TRIO: variants seen among roughly 807,000 people sequenced by gnomAD.
TRIO encodes trio Rho guanine nucleotide exchange factor.
Under a neutral mutation model 351.9 loss-of-function variants are expected in TRIO, and 58 were observed. The ratio of observed to expected loss-of-function variants is 0.16; its 90% CI spans 0.13 to 0.21. TRIO has a LOEUF of 0.21. TRIO is among the 10% of genes least tolerant of loss of function. TRIO has a pLI of 1.00. For synonymous variants in TRIO, 1,758 were observed against 1,595.7 expected (o/e 1.10, Z -2.42); for missense variants, 3,201 against 4,027.8 (o/e 0.79, Z 5.56).
chr5:14,218,516 C>CA (rs1287326182), intron 1 of TRIO, among the ~76,000 whole-genome samples: 1 of 152,050 alleles, frequency 6.6e-6, no homozygotes. Context: ...ACAAACAAAA[C>CA]AAAAAAACCT....
chr5:14,362,456 C>T (rs1194511661), intron 13 of TRIO, among the ~76,000 whole-genome samples: 1 of 152,176 alleles, frequency 6.6e-6, no homozygotes, highest in African/African-American at 2.4e-5. Context: ...GTTTAATGGT[C>T]AGTTTCTTAA....
chr5:14,284,055 C>G (rs1380447710), intron 3 of TRIO, among the ~76,000 whole-genome samples: 1 of 151,970 alleles, frequency 6.6e-6, no homozygotes, highest in Non-Finnish European at 1.5e-5. Context: ...TCCTTGTTGT[C>G]CACTAATGAA....
intron 1 of TRIO, among the ~76,000 whole-genome samples, chr5:14,178,276 T>C (rs1466416479): frequency 6.6e-6 from 1 of 152,200 alleles, no homozygotes; most frequent in Non-Finnish European, 1.5e-5. Context: ...GACACAGGAA[T>C]GCTGTCAATT....
chr5:14,494,635 A>C (rs572812346), intron 49 of TRIO, among the ~76,000 whole-genome samples: 25 of 152,190 alleles, frequency 1.6e-4, no homozygotes, highest in African/African-American at 6.0e-4. Flanking sequence ...ATGGTGGCTG[A>C]CACCCATCAT....
intron 1 of TRIO, among the ~76,000 whole-genome samples, chr5:14,231,392 A>T (rs766953047): frequency 6.6e-6 from 1 of 152,246 alleles, no homozygotes; most frequent in Admixed American, 6.5e-5. Flanking sequence ...TGGATTTCAC[A>T]TTGAGTAGTA....
At chr5:14,226,302 A>C (rs1029754290) in intron 1 of TRIO, among the ~76,000 whole-genome samples, 33 of 140,142 alleles carry the variant, frequency 2.4e-4, no homozygotes, top group Admixed American at 2.3e-3. Flanking sequence ...GGGAACTTCA[A>C]GTCCTTTTTT....
At chr5:14,349,705 G>A (rs990823737) in intron 11 of TRIO, among the ~76,000 whole-genome samples, 7 of 151,848 alleles carry the variant, frequency 4.6e-5, no homozygotes, top group Middle Eastern at 3.4e-3. Flanking sequence ...ACCAAAATCC[G>A]TCTTTTAAAA....
In TRIO at chr5:14,490,195, C is replaced by A. The variant is rs562392053; in HGVS notation, c.7632+1935C>A. Among the ~76,000 whole-genome samples the A allele has an allele frequency of 5.3e-5, 8 of 152,328 alleles. No homozygotes were observed. The South Asian group carries it at 1.0e-3, about 20-fold the overall frequency. On this transcript the variant is annotated intron_variant, in intron 48 of 56. Coordinates refer to ENST00000344204, the MANE Select transcript of TRIO (RefSeq NM_007118.4). ...TTGGGAGGCTGAGGCAGGAGAATCGCTTGAACCCAGGAGGCAGTGGTTGCA... is the reference window on the plus strand; with the variant it reads ...TTGGGAGGCTGAGGCAGGAGAATCGATTGAACCCAGGAGGCAGTGGTTGCA...
rs1363815544 is a variant in TRIO, at chr5:14,195,794, G to A, written c.157+51912G>A. Among the ~76,000 whole-genome samples, 3 of 152,066 alleles carry A rather than the reference G, an allele frequency of 2.0e-5. No individual in the cohort carries two copies. The East Asian group carries it at 5.8e-4, about 29-fold the overall frequency. ...TTATCATGATTGACTGGATTGCTCC[G>A]ATTGTTCCAGGCTGGCCAGCGGGGA... On this transcript the variant is annotated intron_variant, in intron 1 of 56. Transcript: ENST00000344204.
At chr5:14,374,461 A>G in intron 19 of TRIO, 118 bp downstream of exon 19, 1 of 629,082 alleles carries the variant, frequency 1.6e-6, no homozygotes, top group Non-Finnish European at 2.6e-6. Flanking sequence ...TGTCCGTTTC[A>G]TGTTAATGAA....
chr5:14,421,388 G>T (rs1227207859), intron 34 of TRIO, among the ~76,000 whole-genome samples: 1 of 151,592 alleles, frequency 6.6e-6, no homozygotes, highest in Non-Finnish European at 1.5e-5. Context: ...TGGCTTACCT[G>T]AGGTCAAAAG....
At chr5:14,221,034 A>T (rs1792585788) in intron 1 of TRIO, among the ~76,000 whole-genome samples, 1 of 152,208 alleles carries the variant, frequency 6.6e-6, no homozygotes. Flanking sequence ...TTGGGGGCTA[A>T]TGCAGCTGGG....
intron 14 of TRIO, among the ~76,000 whole-genome samples, chr5:14,364,166 C>T (rs992822670): frequency 6.6e-6 from 1 of 152,198 alleles, no homozygotes; most frequent in Non-Finnish European, 1.5e-5. Context: ...TTTAATTCTA[C>T]ACAATGATAT....
intron 28 of TRIO, among the ~76,000 whole-genome samples, chr5:14,396,044 TAAA>T (rs557922366): frequency 7.7e-5 from 5 of 64,538 alleles, no homozygotes; most frequent in South Asian, 6.0e-4. Flanking sequence ...AGACTCCGCC[TAAA>T]AAAAAAAAAA....
chr5:14,500,050 CAAAA>C (rs35276206), intron 53 of TRIO, among the ~76,000 whole-genome samples: 2 of 91,104 alleles, frequency 2.2e-5, no homozygotes, highest in African/African-American at 4.4e-5. Flanking sequence ...GACTCTGTCT[CAAAA>C]AAAAAAAAAA....
chr5:14,382,267 C>A (rs1488461751), intron 21 of TRIO, among the ~76,000 whole-genome samples: 1 of 152,200 alleles, frequency 6.6e-6, no homozygotes, highest in Non-Finnish European at 1.5e-5. Context: ...ATTTTTCAAT[C>A]ATGTAGAGAG....
chr5:14,154,283 T>A (rs933270833), intron 1 of TRIO, among the ~76,000 whole-genome samples: 1 of 152,122 alleles, frequency 6.6e-6, no homozygotes, highest in Admixed American at 6.6e-5. Context: ...TTGCTGTGTG[T>A]GACACATTAG....
At chr5:14,495,799 T>G (rs1024114945) in intron 49 of TRIO, among the ~76,000 whole-genome samples, 3 of 149,872 alleles carry the variant, frequency 2.0e-5, no homozygotes, top group African/African-American at 7.3e-5. Flanking sequence ...ACCCCATCTC[T>G]ACTAAAAATA....
chr5:14,246,836 C>T lies in TRIO; in HGVS notation c.158-23989C>T, dbSNP rs75322190. ...CTCTCGGATTCTTCGGAGACACCCCCCACACCACCTCCTGGAATGTTCCTT... is the reference window on the plus strand; with the variant it reads ...CTCTCGGATTCTTCGGAGACACCCCTCACACCACCTCCTGGAATGTTCCTT... On this transcript the variant is annotated intron_variant, in intron 1 of 56. Transcript: ENST00000344204. Among the ~76,000 whole-genome samples the T allele has an allele frequency of 8.0e-3, 1,217 of 152,314 alleles. 8 individuals carry two copies. The highest frequency in any genetic ancestry group is 0.02 in the Middle Eastern group (6 of 294).
Sources: gnomAD v4.1 joint callset for allele counts (sites outside exome capture counted in the v4.1 genomes callset) on GRCh38, gnomAD v4.1.1 for gene constraint, MANE v1.5 for transcripts, NCBI Gene and HGNC (gene_info 2026-07-23, HGNC 2026-07-21) for gene names.